Variants in RMDN2 observed in about 807,000 individuals in gnomAD.
The protein encoded by RMDN2 is regulator of microtubule dynamics 2.
RMDN2 carries 61 observed loss-of-function variants against 52.8 expected under a neutral mutation model. That is an observed-to-expected ratio of 1.16 (90% CI 0.94 to 1.43). The LOEUF is 1.43. Among genes scored for constraint, RMDN2 ranks in the 40% most tolerant of loss-of-function variants. RMDN2 has a pLI of 0.00. For synonymous variants in RMDN2, 180 were observed against 153.1 expected, an observed-to-expected ratio of 1.18 and a Z score of -1.30; for missense variants, 592 against 475.3, an observed-to-expected ratio of 1.25 and a Z score of -2.28.
chr2:37,987,358 A>T (rs1367768472), intron 5 of RMDN2, among the ~76,000 whole-genome samples: 1 of 152,214 alleles, frequency 6.6e-6, no homozygotes, highest in Non-Finnish European at 1.5e-5. Context: ...ACTCAGGGCT[A>T]AACAGAAATG....
chr2:37,946,622 A>G (rs781493772), intron 2 of RMDN2, among the ~76,000 whole-genome samples: 3 of 152,152 alleles, frequency 2.0e-5, no homozygotes, highest in Non-Finnish European at 4.4e-5. Context: ...AGAAGAGGGA[A>G]TTAACTAGAA....
chr2:37,992,031 A>G (rs1674871171), intron 7 of RMDN2, among the ~76,000 whole-genome samples: 1 of 152,194 alleles, frequency 6.6e-6, no homozygotes, highest in South Asian at 2.1e-4. Context: ...AGAGGTGAAG[A>G]AGGAAGTTTG....
rs1205656825 is a variant in RMDN2 at position 38,017,454 on chromosome 2, C to A, written c.*215C>A. On this transcript the variant is annotated 3_prime_UTR_variant, in exon 11 of 11. Coordinates refer to ENST00000354545, the MANE Select transcript of RMDN2 (RefSeq NM_001170791.3). ...ATATACTATAATGTCAATACATAAT[C>A]TATAAACATGTATGCTTTATATTTT... 10 of 1,165,194 alleles carry A rather than the reference C, an allele frequency of 8.6e-6. No homozygotes were observed. The East Asian group carries it at 3.0e-4, about 35-fold the overall frequency. The allele number at this position is 1,165,194 out of a possible 1,614,324, so 72.2% of individuals were successfully genotyped here.
intron 9 of RMDN2, 44 bp downstream of exon 9, chr2:38,004,088 T>C (rs1441269594): frequency 6.2e-7 from 1 of 1,605,642 alleles, no homozygotes; most frequent in Non-Finnish European, 8.5e-7. Context: ...TTTGAACCTA[T>C]CGCATAAAAA....
At chr2:37,934,477 T>C (rs542191526) in intron 2 of RMDN2, among the ~76,000 whole-genome samples, 94 of 152,338 alleles carry the variant, frequency 6.2e-4, no homozygotes, top group African/African-American at 2.1e-3. Context: ...TTAGCACTAG[T>C]GTTAACATTT....
chr2:37,972,302 C>T (rs1572877384), intron 2 of RMDN2, among the ~76,000 whole-genome samples: 1 of 151,732 alleles, frequency 6.6e-6, no homozygotes, highest in African/African-American at 2.4e-5. Context: ...TACATTTGAA[C>T]AAAGATATGA....
chr2:37,973,765 G>A (rs78765315), intron 2 of RMDN2, among the ~76,000 whole-genome samples: 3 of 152,126 alleles, frequency 2.0e-5, no homozygotes, highest in Non-Finnish European at 4.4e-5. Context: ...AGGTAGGCAC[G>A]TGATTAGAAT....
upstream of RMDN2, among the ~76,000 whole-genome samples, chr2:37,922,201 G>T (rs980760207): frequency 6.6e-6 from 1 of 152,242 alleles, no homozygotes; most frequent in East Asian, 1.9e-4. Context: ...TCTTTGAAGC[G>T]GGGGTTGGGG....
intron 10 of RMDN2, among the ~76,000 whole-genome samples, chr2:38,060,084 T>C (rs1267303686): frequency 2.2e-5 from 3 of 137,364 alleles, no homozygotes; most frequent in African/African-American, 9.5e-5. Context: ...TTTTATTTTA[T>C]TTTATTTTAT....
At chr2:37,990,839 C>A (rs1224813884) in intron 6 of RMDN2, among the ~76,000 whole-genome samples, 5 of 152,178 alleles carry the variant, frequency 3.3e-5, no homozygotes, top group Non-Finnish European at 7.3e-5. Flanking sequence ...TCTCCCCCAT[C>A]TAACTCTGCT....
In RMDN2 at chr2:38,004,841, C is replaced by T. The variant is rs538232895; in HGVS notation, c.1179+625C>T. 9.2e-5 allele frequency among the ~76,000 whole-genome samples: 14 copies of T among 151,912 alleles called. 1 individual carries two copies. In the East Asian group the frequency reaches 1.4e-3, roughly 15 times the overall value. ...GTATATATATCTCCTAATGCTATCCCTCCCCACTCCCCCCACCCCACAACA... is the reference window on the plus strand; with the variant it reads ...GTATATATATCTCCTAATGCTATCCTTCCCCACTCCCCCCACCCCACAACA... On this transcript the variant is annotated intron_variant, in intron 10 of 10. Transcript: ENST00000354545.
intron 5 of RMDN2, among the ~76,000 whole-genome samples, chr2:37,986,759 C>A (rs919949202): frequency 2.6e-5 from 4 of 151,974 alleles, no homozygotes; most frequent in African/African-American, 7.2e-5. Flanking sequence ...AAGAAACTCT[C>A]AGCAAACTAG....
rs1216101930 is a variant in RMDN2, at chr2:38,015,891, G to A, written c.1180-1295G>A. Reference sequence around the variant, plus strand: ...GCACAATCATATGACTTTAATTTGAGGCTAGAGAAAGTGTGCTATCTCAGC... The same window carrying A: ...GCACAATCATATGACTTTAATTTGAAGCTAGAGAAAGTGTGCTATCTCAGC... On this transcript the variant is annotated intron_variant, in intron 10 of 10. Coordinates refer to ENST00000354545, the MANE Select transcript of RMDN2 (RefSeq NM_001170791.3). Among the ~76,000 whole-genome samples the A allele has an allele frequency of 6.6e-5, 10 of 152,340 alleles. No homozygotes were observed. The South Asian group carries it at 2.1e-3, about 32-fold the overall frequency.
chr2:38,021,019 G>A (rs184767062), downstream of RMDN2, among the ~76,000 whole-genome samples: 96 of 152,316 alleles, frequency 6.3e-4, no homozygotes, highest in African/African-American at 2.3e-3. Context: ...CTAAGGGATT[G>A]TAAATACACC....
In RMDN2 at chr2:38,060,734, G is replaced by A. The variant is rs143296107; in HGVS notation, c.1714-6248G>A. Among the ~76,000 whole-genome samples, 571 of 152,252 alleles carry A rather than the reference G, an allele frequency of 3.8e-3. 2 individuals carry two copies. The highest frequency in any genetic ancestry group is 0.013 in the African/African-American group (555 of 41,548). On this transcript the variant is annotated intron_variant, in intron 10 of 10. Transcript: ENST00000234195. ...GGTGCTCTCAAAGCTGATATGACCTGACTTGTGGGGTCCAATGGCCTAGAT... is the reference window on the plus strand; with the variant it reads ...GGTGCTCTCAAAGCTGATATGACCTAACTTGTGGGGTCCAATGGCCTAGAT...
chr2:37,924,552 G>T (rs1369495987), upstream of RMDN2, among the ~76,000 whole-genome samples: 1 of 151,956 alleles, frequency 6.6e-6, no homozygotes, highest in African/African-American at 2.4e-5. Flanking sequence ...TTTTAGTAGA[G>T]ACAGGGGTTT....
chr2:37,986,986 T>C (rs962697122), intron 5 of RMDN2, among the ~76,000 whole-genome samples: 1 of 151,806 alleles, frequency 6.6e-6, no homozygotes, highest in Non-Finnish European at 1.5e-5. Context: ...TAATGCCATA[T>C]AACAAGAAAA....
intron 10 of RMDN2, among the ~76,000 whole-genome samples, chr2:38,039,038 C>G (rs1680776900): frequency 7.0e-6 from 1 of 143,548 alleles, no homozygotes; most frequent in Admixed American, 7.1e-5. Context: ...GTTTAAAAGC[C>G]AGATGCTATA....
At chr2:37,958,298 G>T (rs560220160) in intron 2 of RMDN2, among the ~76,000 whole-genome samples, 102 of 152,192 alleles carry the variant, frequency 6.7e-4, no homozygotes, top group Non-Finnish European at 1.1e-3. Context: ...TTTTCCATTT[G>T]TTTGTATACT....
Sources: gnomAD v4.1 joint callset for allele counts (sites outside exome capture counted in the v4.1 genomes callset) on GRCh38, gnomAD v4.1.1 for gene constraint, MANE v1.5 for transcripts, NCBI Gene and HGNC (gene_info 2026-07-23, HGNC 2026-07-21) for gene names.